Variants in TTC28 observed in about 807,000 individuals in gnomAD.
TTC28 encodes tetratricopeptide repeat protein 28.
A neutral mutation model predicts 198.0 loss-of-function variants in TTC28; 61 were observed. The observed-to-expected ratio is 0.31, with a 90% CI of 0.25 to 0.38. The LOEUF (loss-of-function observed/expected upper bound fraction) is 0.38, where lower values mean the gene tolerates loss of function less well. Ranked by LOEUF, TTC28 falls within the 10% of genes least tolerant of loss-of-function variation. The pLI is 1.00. For synonymous variants in TTC28, 1,171 were observed against 1,297.8 expected, an observed-to-expected ratio of 0.90 and a Z score of 2.10; for missense variants, 2,678 against 3,164.0, an observed-to-expected ratio of 0.85 and a Z score of 3.69.
At chr22:28,143,206 C>CT (rs1943383210) in intron 6 of TTC28, among the ~76,000 whole-genome samples, 1 of 152,036 alleles carries the variant, frequency 6.6e-6, no homozygotes, top group South Asian at 2.1e-4. Context: ...ATGGTAGGGG[C>CT]TCAAAAATTA....
At chr22:28,516,518 C>A (rs2048789309) in intron 2 of TTC28, among the ~76,000 whole-genome samples, 1 of 151,644 alleles carries the variant, frequency 6.6e-6, no homozygotes, top group African/African-American at 2.4e-5. Context: ...GGACAGAAAA[C>A]CAAACACCGC....
intron 2 of TTC28, among the ~76,000 whole-genome samples, chr22:28,491,328 C>A (rs2048373964): frequency 6.6e-6 from 1 of 152,244 alleles, no homozygotes; most frequent in Non-Finnish European, 1.5e-5. Context: ...AGGCAACCTA[C>A]AGAATGGGAG....
At chr22:28,147,092 T>G (rs992604300) in intron 6 of TTC28, among the ~76,000 whole-genome samples, 1 of 152,210 alleles carries the variant, frequency 6.6e-6, no homozygotes, top group Admixed American at 6.5e-5. Flanking sequence ...AGAACAGGCT[T>G]AGTCAGCAAT....
chr22:28,454,431 C>T (rs1326417674), intron 2 of TTC28, among the ~76,000 whole-genome samples: 2 of 152,182 alleles, frequency 1.3e-5, no homozygotes, highest in African/African-American at 4.8e-5. Context: ...GGCATTTATT[C>T]ACTTGTCAAG....
chr22:27,996,272 A>G lies in TTC28; in HGVS notation c.5120-13T>C. ...ATGAGCATGAACCCTGCAGAAAGCAAAGGAGGGCACCTCAGCAGGGCAGCT... is the reference window on the plus strand; with the variant it reads ...ATGAGCATGAACCCTGCAGAAAGCAGAGGAGGGCACCTCAGCAGGGCAGCT... On this transcript the variant is annotated splice_polypyrimidine_tract_variant and intron_variant, in intron 16 of 22. Transcript: ENST00000397906. 6.5e-7 allele frequency: 1 copy of G among 1,549,726 alleles called. No individual in the cohort carries two copies. Among genetic ancestry groups the G allele is most frequent in the Non-Finnish European group, 8.7e-7 (1 of 1,146,544 alleles).
rs73882713 is a variant in TTC28, at chr22:28,236,107, C to A, written c.933+60091G>T. Among the ~76,000 whole-genome samples the A allele has an allele frequency of 8.1e-3, 1,228 of 152,280 alleles. 20 individuals are homozygous for A. The highest frequency in any genetic ancestry group is 0.028 in the African/African-American group (1,169 of 41,540). On this transcript the variant is annotated intron_variant, in intron 5 of 22. Transcript: ENST00000397906. The stretch of plus-strand genomic sequence containing the variant: ...CCTCGTAATGATTACATGGAAGCAA[C>A]ATCTTCCCCACAGATCCCCTCCACA...
chr22:28,468,104 G>T (rs1292691537), intron 2 of TTC28, among the ~76,000 whole-genome samples: 2 of 151,944 alleles, frequency 1.3e-5, no homozygotes, highest in African/African-American at 4.8e-5. Context: ...AGAGAAATAA[G>T]GTACAAAGTA....
intron 5 of TTC28, among the ~76,000 whole-genome samples, chr22:28,266,806 TCA>T (rs1295895426): frequency 1.3e-5 from 2 of 152,194 alleles, no homozygotes; most frequent in African/African-American, 4.8e-5. Context: ...GGTTATTTTG[TCA>T]CAGAGCATTA....
chr22:28,175,670 T>C (rs1489951495), intron 5 of TTC28, among the ~76,000 whole-genome samples: 1 of 152,030 alleles, frequency 6.6e-6, no homozygotes, highest in African/African-American at 2.4e-5. Context: ...GAGGCAGAGG[T>C]TGCAGTGAGC....
At chr22:28,570,703 G>GA (rs1433724073) in intron 2 of TTC28, among the ~76,000 whole-genome samples, 1 of 151,938 alleles carries the variant, frequency 6.6e-6, no homozygotes, top group Non-Finnish European at 1.5e-5. Context: ...AAGTTGGAAA[G>GA]AAAAAAACTT....
intron 2 of TTC28, among the ~76,000 whole-genome samples, chr22:28,616,013 C>G (rs922685147): frequency 6.6e-6 from 1 of 152,146 alleles, no homozygotes; most frequent in African/African-American, 2.4e-5. Flanking sequence ...AAATTGCAAT[C>G]TCAGACTCTG....
intron 2 of TTC28, among the ~76,000 whole-genome samples, chr22:28,471,594 C>G (rs1402237389): frequency 6.6e-6 from 1 of 152,102 alleles, no homozygotes; most frequent in Admixed American, 6.5e-5. Context: ...AACAAGGGAG[C>G]AATCACTCAA....
intron 7 of TTC28, among the ~76,000 whole-genome samples, 183 bp downstream of exon 7, chr22:28,106,879 A>C (rs9620769): frequency 0.07 from 10,728 of 152,270 alleles, 433 homozygotes; most frequent in South Asian, 0.092. Flanking sequence ...TAGTTTCTTC[A>C]TCCATAACAT....
intron 6 of TTC28, among the ~76,000 whole-genome samples, chr22:28,125,012 T>C (rs187927144): frequency 2.0e-5 from 3 of 152,352 alleles, no homozygotes; most frequent in Admixed American, 6.5e-5. Flanking sequence ...ACTGAATACA[T>C]TGCATACCCT....
intron 2 of TTC28, among the ~76,000 whole-genome samples, chr22:28,464,587 T>C (rs1292026211): frequency 6.6e-6 from 1 of 152,206 alleles, no homozygotes; most frequent in African/African-American, 2.4e-5. Flanking sequence ...GTGATAAAAT[T>C]CTATCTGTCT....
At chr22:28,552,618 T>TA (rs1005519026) in intron 2 of TTC28, among the ~76,000 whole-genome samples, 1 of 151,906 alleles carries the variant, frequency 6.6e-6, no homozygotes, top group Non-Finnish European at 1.5e-5. Flanking sequence ...AACAAAAACA[T>TA]AAAGTGGGGA....
chr22:28,552,266 T>C (rs747306240), intron 2 of TTC28, among the ~76,000 whole-genome samples: 1 of 152,162 alleles, frequency 6.6e-6, no homozygotes, highest in Non-Finnish European at 1.5e-5. Flanking sequence ...CCCATGCTCA[T>C]GGATGAGTAG....
intron 12 of TTC28, among the ~76,000 whole-genome samples, chr22:28,085,082 ACT>A (rs1297261850): frequency 6.6e-6 from 1 of 152,130 alleles, no homozygotes; most frequent in African/African-American, 2.4e-5. Flanking sequence ...GGTGGAAAAC[ACT>A]CTGCAGGATA....
chr22:28,131,726 T>C (rs1188749712), intron 6 of TTC28, among the ~76,000 whole-genome samples: 1 of 152,232 alleles, frequency 6.6e-6, no homozygotes, highest in Non-Finnish European at 1.5e-5. Flanking sequence ...GTCAGTTTCT[T>C]CATCTGTAAA....
Sources: allele counts gnomAD v4.1 joint callset (sites outside exome capture counted in the v4.1 genomes callset), GRCh38; gene constraint gnomAD v4.1.1; transcripts MANE v1.5; gene names NCBI Gene and HGNC (gene_info 2026-07-23, HGNC 2026-07-21).